The following PRKN variants were observed in gnomAD, a reference collection of about 807,000 sequenced individuals.
PRKN encodes parkin RBR E3 ubiquitin protein ligase.
Under a neutral mutation model 59.5 loss-of-function variants are expected in PRKN, and 56 were observed. That is an observed-to-expected ratio of 0.94 (90% confidence interval 0.76 to 1.18). The LOEUF (loss-of-function observed/expected upper bound fraction) is 1.18, where lower values mean the gene tolerates loss of function less well. Among genes scored for constraint, PRKN ranks in the 50% most tolerant of loss-of-function variants. The probability of loss-of-function intolerance (pLI) is 0.00; values close to 1 mark genes in which losing one functional copy is unlikely to be tolerated. For missense variants in PRKN, 657 were observed against 596.4 expected, an observed-to-expected ratio of 1.10 and a Z score of -1.06; for synonymous variants, 250 against 222.1, an observed-to-expected ratio of 1.13 and a Z score of -1.12.
chr6:161,472,091 G>A (rs1460018770), intron 9 of PRKN, among the ~76,000 whole-genome samples: 1 of 152,146 alleles, frequency 6.6e-6, no homozygotes, highest in Non-Finnish European at 1.5e-5. Context: ...AGGGTGTTTT[G>A]TAGAGTTGGT....
In PRKN at chr6:162,725,718, G is replaced by A. The variant is rs1779134029; in HGVS notation, c.7+1944C>T. Among the ~76,000 whole-genome samples, 4 of 151,562 alleles carry A rather than the reference G, an allele frequency of 2.6e-5. No homozygotes were observed. In the South Asian group the frequency reaches 8.3e-4, roughly 32 times the overall value. The stretch of plus-strand genomic sequence containing the variant: ...TTGGAGGCTGCAGTGAGCTGTGATG[G>A]TGCCACTGCACTCCGGCCTGGGTGA... On this transcript the variant is annotated intron_variant, in intron 1 of 11. Coordinates refer to ENST00000366898, the MANE Select transcript of PRKN (RefSeq NM_004562.3).
At chr6:162,037,294 G>A (rs781145555) in intron 5 of PRKN, among the ~76,000 whole-genome samples, 26 of 152,152 alleles carry the variant, frequency 1.7e-4, no homozygotes, top group Non-Finnish European at 3.5e-4. Flanking sequence ...AAATAAATGG[G>A]ATGCATCACC....
At chr6:162,091,088 GATTT>G (rs1388650780) in intron 4 of PRKN, among the ~76,000 whole-genome samples, 1 of 146,688 alleles carries the variant, frequency 6.8e-6, no homozygotes, top group Non-Finnish European at 1.5e-5. Context: ...TTTTGTTACA[GATTT>G]ATTTATTTCT....
chr6:161,924,114 A>C (rs1346284371), intron 6 of PRKN, among the ~76,000 whole-genome samples: 1 of 152,176 alleles, frequency 6.6e-6, no homozygotes, highest in Admixed American at 6.5e-5. Context: ...GGATTAGAAA[A>C]AGAAACTGTC....
At chr6:161,790,325 G>C (rs1032571689) in intron 6 of PRKN, among the ~76,000 whole-genome samples, 2 of 152,204 alleles carry the variant, frequency 1.3e-5, no homozygotes, top group African/African-American at 4.8e-5. Flanking sequence ...TGGGGGACAA[G>C]ATGAAAAGAG....
chr6:162,244,009 G>C (rs1779098479), intron 3 of PRKN, among the ~76,000 whole-genome samples: 1 of 152,006 alleles, frequency 6.6e-6, no homozygotes, highest in South Asian at 2.1e-4. Flanking sequence ...GTAAACCATA[G>C]AAACACTGAG....
intron 7 of PRKN, among the ~76,000 whole-genome samples, chr6:161,647,595 ATT>A (rs34864910): frequency 1.3e-5 from 2 of 150,532 alleles, no homozygotes; most frequent in Non-Finnish European, 3.0e-5. Flanking sequence ...CCTTGTCAAC[ATT>A]TTTTTTTTTC....
intron 6 of PRKN, among the ~76,000 whole-genome samples, chr6:161,800,829 C>T (rs1791046197): frequency 6.6e-6 from 1 of 152,180 alleles, no homozygotes; most frequent in Admixed American, 6.5e-5. Flanking sequence ...TGACTCTTCT[C>T]ATCATTTAGT....
At position 161,548,528 on chromosome 6, in the gene PRKN, A is replaced by G. The variant is rs1485052816; in HGVS notation, c.1083+326T>C. Among the ~76,000 whole-genome samples, 1 of 152,222 alleles carries G rather than the reference A, an allele frequency of 6.6e-6. No individual in the cohort carries two copies. The highest frequency in any genetic ancestry group is 1.5e-5 in the Non-Finnish European group (1 of 68,040). On this transcript the variant is annotated intron_variant, in intron 9 of 11. Coordinates refer to ENST00000366898, the MANE Select transcript of PRKN (RefSeq NM_004562.3). This position sits in a 1 kb window ranked among gnomAD's most constrained non-coding sequence, Gnocchi z 4.2. ...TCTACTTAAAGGCAACTCTGAAGAAAGAATAAATTTTTGCTCTGCATCAGC... is the reference window on the plus strand; with the variant it reads ...TCTACTTAAAGGCAACTCTGAAGAAGGAATAAATTTTTGCTCTGCATCAGC...
chr6:162,694,201 C>T (rs952172126), intron 1 of PRKN, among the ~76,000 whole-genome samples: 2 of 129,524 alleles, frequency 1.5e-5, no homozygotes, highest in African/African-American at 2.9e-5. Context: ...GAGCCGAGAT[C>T]GTGCCACTGC....
chr6:162,182,744 T>C (rs1174694842), intron 4 of PRKN, among the ~76,000 whole-genome samples: 2 of 152,222 alleles, frequency 1.3e-5, no homozygotes, highest in Admixed American at 6.5e-5. Flanking sequence ...TTGCCCTTTT[T>C]ACAAATTGAT....
intron 2 of PRKN, among the ~76,000 whole-genome samples, chr6:162,435,309 T>A (rs949660627): frequency 6.6e-5 from 10 of 152,140 alleles, no homozygotes; most frequent in African/African-American, 2.4e-4. Flanking sequence ...ATCCACAGAC[T>A]ATATATCTTC....
chr6:162,608,142 C>T (rs1035729472), intron 1 of PRKN, among the ~76,000 whole-genome samples: 10 of 152,188 alleles, frequency 6.6e-5, no homozygotes, highest in African/African-American at 2.4e-4. Context: ...CCTACTCTAA[C>T]ACAGAGCATA....
chr6:162,335,206 T>A (rs139591563), intron 2 of PRKN, among the ~76,000 whole-genome samples: 2 of 150,136 alleles, frequency 1.3e-5, no homozygotes, highest in Non-Finnish European at 1.5e-5. Context: ...TTTTTTTTTT[T>A]AATTGTTGTA....
intron 6 of PRKN, among the ~76,000 whole-genome samples, chr6:161,912,220 T>G (rs1423594046): frequency 4.6e-5 from 7 of 151,174 alleles, no homozygotes; most frequent in Non-Finnish European, 1.0e-4. Context: ...TTTTCTAAGA[T>G]TGCACTGGTG....
At chr6:161,844,726 T>A (rs1217560151) in intron 6 of PRKN, among the ~76,000 whole-genome samples, 1 of 152,216 alleles carries the variant, frequency 6.6e-6, no homozygotes, top group South Asian at 2.1e-4. Context: ...TGAGGAAATG[T>A]CAATGCAAAA....
At chr6:161,889,520 C>T (rs1795268597) in intron 6 of PRKN, among the ~76,000 whole-genome samples, 1 of 152,174 alleles carries the variant, frequency 6.6e-6, no homozygotes, top group South Asian at 2.1e-4. Context: ...TTCCATTCAT[C>T]CAGCATTCTC....
Position 161,737,986 on chromosome 6 carries a change from G to T in PRKN, c.871+47786C>A, listed in dbSNP as rs145251414. On this transcript the variant is annotated intron_variant, in intron 7 of 11. Coordinates refer to ENST00000366898, the MANE Select transcript of PRKN (RefSeq NM_004562.3). ...TCCTCCAAAATAATAGTTTGGAAAA[G>T]TTCATTTAACGAGCCCTCCTATTTG... Among the ~76,000 whole-genome samples the T allele has an allele frequency of 7.2e-3, 1,096 of 152,250 alleles. 12 individuals carry two copies. Among genetic ancestry groups the T allele is most frequent in the African/African-American group, 0.025 (1,041 of 41,556 alleles).
intron 6 of PRKN, among the ~76,000 whole-genome samples, chr6:161,961,961 C>A (rs945493045): frequency 7.9e-5 from 12 of 152,278 alleles, no homozygotes; most frequent in Admixed American, 2.6e-4. Context: ...TGAAATTCCA[C>A]TTCCGGTGCA....
Sources: gnomAD v4.1 joint callset for allele counts (sites outside exome capture counted in the v4.1 genomes callset) on GRCh38, gnomAD v4.1.1 for gene constraint, Gnocchi (gnomAD v3.1) non-coding constraint, MANE v1.5 for transcripts, NCBI Gene and HGNC (gene_info 2026-07-23, HGNC 2026-07-21) for gene names.